The following BCAS3 variants were observed in gnomAD, a reference collection of about 807,000 sequenced individuals.
BCAS3 encodes BCAS3 microtubule associated cell migration factor.
Under a neutral mutation model 116.1 loss-of-function variants are expected in BCAS3, and 53 were observed. The ratio of observed to expected loss-of-function variants is 0.46; its 90% confidence interval spans 0.37 to 0.57. BCAS3 has a LOEUF of 0.57. BCAS3 is among the 20% of genes least tolerant of loss of function. The pLI is 0.00. For missense variants in BCAS3, 917 were observed against 1,165.4 expected (o/e 0.79, Z 3.10); for synonymous variants, 391 against 408.2 (o/e 0.96, Z 0.51).
chr17:61,370,271 C>CT (rs67112430), intron 23 of BCAS3, among the ~76,000 whole-genome samples: 90,039 of 146,718 alleles, frequency 0.61, 30,679 homozygotes, highest in Non-Finnish European at 0.79. Context: ...AGGAGACTCC[C>CT]TTTTTTTTTT....
At chr17:60,801,892 T>C (rs976712906) in intron 6 of BCAS3, among the ~76,000 whole-genome samples, 1 of 152,184 alleles carries the variant, frequency 6.6e-6, no homozygotes, top group Non-Finnish European at 1.5e-5. Flanking sequence ...CTGTCATCTA[T>C]GTATTGACTG....
intron 15 of BCAS3, among the ~76,000 whole-genome samples, chr17:61,009,649 G>A (rs2064973092): frequency 2.0e-5 from 3 of 151,918 alleles, no homozygotes; most frequent in Admixed American, 6.6e-5. Flanking sequence ...CTTCTTGTTT[G>A]TATCTCGGAA....
rs1169801108 is a variant in BCAS3 at position 61,203,349 on chromosome 17, G to A, written c.2425+118785G>A. Among the ~76,000 whole-genome samples, 1 of 152,014 alleles carries A rather than the reference G, an allele frequency of 6.6e-6. No individual in the cohort carries two copies. The highest frequency in any genetic ancestry group is 1.5e-5 in the Non-Finnish European group (1 of 68,002). On this transcript the variant is annotated intron_variant, in intron 22 of 23. Coordinates refer to ENST00000407086, the MANE Select transcript of BCAS3 (RefSeq NM_017679.5). This position sits in a 1 kb window ranked among gnomAD's most constrained non-coding sequence, Gnocchi z 5.7. ...ATTTTTGTATTATTAGTAGAAACAG[G>A]GTTTCGCCATGTTGGTCAGGCTGGT...
chr17:61,067,305 ATATATATATATT>A (rs1340540634), intron 19 of BCAS3, among the ~76,000 whole-genome samples: 2 of 133,978 alleles, frequency 1.5e-5, no homozygotes, highest in African/African-American at 5.7e-5. Context: ...ATATATATAT[ATATATATATATT>A]TATACAGACT....
In BCAS3 at chr17:61,205,278, A is replaced by G. The variant is rs1186801203; in HGVS notation, c.2425+120714A>G. Reference sequence around the variant, plus strand: ...CCAGAGAATAGTTTACTGATAAAATATGTTTTAGGAAGGAAAACTGGTTAC... The same window carrying G: ...CCAGAGAATAGTTTACTGATAAAATGTGTTTTAGGAAGGAAAACTGGTTAC... On this transcript the variant is annotated intron_variant, in intron 22 of 23. Coordinates refer to ENST00000407086, the MANE Select transcript of BCAS3 (RefSeq NM_017679.5). This position sits in a 1 kb window ranked among gnomAD's most constrained non-coding sequence, Gnocchi z 5.2. Among the ~76,000 whole-genome samples, 2 of 152,252 alleles carry G rather than the reference A, an allele frequency of 1.3e-5. No homozygotes were observed. Among genetic ancestry groups the G allele is most frequent in the Non-Finnish European group, 2.9e-5 (2 of 68,050 alleles).
At chr17:61,280,418 G>C (rs1453846932) in intron 22 of BCAS3, among the ~76,000 whole-genome samples, 1 of 152,148 alleles carries the variant, frequency 6.6e-6, no homozygotes, top group Non-Finnish European at 1.5e-5. Context: ...TCCAACTTGG[G>C]GAGGTCATCA....
rs7224649 is a variant in BCAS3 at position 60,788,834 on chromosome 17, G to A, written c.404-19170G>A. Among the ~76,000 whole-genome samples the A allele has an allele frequency of 1.2e-3, 180 of 152,086 alleles. 2 individuals are homozygous for A. Among genetic ancestry groups the A allele is most frequent in the African/African-American group, 3.9e-3 (162 of 41,500 alleles). On this transcript the variant is annotated intron_variant, in intron 6 of 23. Transcript: ENST00000407086. ...TGGTAAGAAAATAGAATTTTGTAGC[G>A]CACAACAACCTTGACAGAATCTAAA... is the stretch of plus-strand genomic sequence containing the variant.
chr17:61,221,549 AC>A (rs2082112262), intron 22 of BCAS3, among the ~76,000 whole-genome samples: 1 of 152,156 alleles, frequency 6.6e-6, no homozygotes, highest in African/African-American at 2.4e-5. Flanking sequence ...AAGCCAGTAC[AC>A]CTCTGGGACA....
At chr17:60,779,513 G>C (rs2045608301) in intron 6 of BCAS3, among the ~76,000 whole-genome samples, 1 of 148,322 alleles carries the variant, frequency 6.7e-6, no homozygotes. Flanking sequence ...GGGATTACAG[G>C]CATGTGCCAC....
At chr17:60,715,391 C>T (rs1371560028) in intron 5 of BCAS3, among the ~76,000 whole-genome samples, 1 of 151,412 alleles carries the variant, frequency 6.6e-6, no homozygotes, top group East Asian at 1.9e-4. Context: ...CCTGCCTAGA[C>T]CTCCCAACGT....
intron 7 of BCAS3, among the ~76,000 whole-genome samples, chr17:60,820,129 C>T (rs1388008364): frequency 4.0e-5 from 6 of 150,762 alleles, no homozygotes; most frequent in South Asian, 2.1e-4. Context: ...GGAGTGCAGT[C>T]GCACGATCTT....
Position 61,286,796 on chromosome 17 carries a change from T to G in BCAS3, c.2426-81531T>G, listed in dbSNP as rs1423350640. Among the ~76,000 whole-genome samples, 1 of 152,158 alleles carries G rather than the reference T, an allele frequency of 6.6e-6. No individual in the cohort carries two copies. The highest frequency in any genetic ancestry group is 1.5e-5 in the Non-Finnish European group (1 of 68,028). On this transcript the variant is annotated intron_variant, in intron 22 of 23. Transcript: ENST00000407086. The surrounding 1 kb of genome is among the most constrained non-coding windows in gnomAD (Gnocchi z 4.8). ...GTTAGCATATTGAGGCAAATTACACTACAGAGATCCTGGCCAGGGTGAGGA... is the reference window on the plus strand; with the variant it reads ...GTTAGCATATTGAGGCAAATTACACGACAGAGATCCTGGCCAGGGTGAGGA...
chr17:60,874,543 TA>T, intron 8 of BCAS3, 118 bp from the exon 9 acceptor site: 1 of 607,086 alleles, frequency 1.6e-6, no homozygotes, highest in East Asian at 2.9e-5. Context: ...TGTTTAATTT[TA>T]AAATTGTATT....
rs78166941 is a variant in BCAS3, at chr17:60,718,517, C to G, written c.321+9192C>G. On this transcript the variant is annotated intron_variant, in intron 5 of 23. Transcript: ENST00000407086. ...TGATGCTATCTTTGCTCACTGCAGC[C>G]TCTACCTCATGGGTTCAGTTGATTC... Among the ~76,000 whole-genome samples the G allele has an allele frequency of 8.5e-5, 13 of 152,272 alleles. No individual in the cohort carries two copies. In the East Asian group the frequency reaches 2.5e-3, roughly 29 times the overall value.
chr17:61,085,401 A>T (rs527566175), intron 22 of BCAS3, among the ~76,000 whole-genome samples: 1 of 152,352 alleles, frequency 6.6e-6, no homozygotes, highest in Non-Finnish European at 1.5e-5. Flanking sequence ...AAATCCCTAG[A>T]GACTGCTGAT....
chr17:61,368,995 G>A lies in BCAS3; in HGVS notation c.2593+501G>A, dbSNP rs2058892633. Among the ~76,000 whole-genome samples the A allele has an allele frequency of 6.6e-6, 1 of 152,084 alleles. No individual in the cohort carries two copies. The highest frequency in any genetic ancestry group is 6.5e-5 in the Admixed American group (1 of 15,276). On this transcript the variant is annotated intron_variant, in intron 23 of 23. Transcript: ENST00000407086. This position sits in a 1 kb window ranked among gnomAD's most constrained non-coding sequence, Gnocchi z 6.0. ...GCCTCTGAGCGAGTCCAGCAACTAG[G>A]GTCTGGGTGGCTTCCTGCATCCCAG...
Position 60,995,931 on chromosome 17 carries a change from C to A in BCAS3, c.1486+5696C>A, listed in dbSNP as rs570406628. On this transcript the variant is annotated intron_variant, in intron 15 of 23. Coordinates refer to ENST00000407086, the MANE Select transcript of BCAS3 (RefSeq NM_017679.5). The surrounding 1 kb of genome is among the most constrained non-coding windows in gnomAD (Gnocchi z 4.7). Reference sequence around the variant, plus strand: ...ATTAGTATGCTTCCCATAGGCCTTGCTGAGATGATGACATCTGAGCAAAGA... The same window carrying A: ...ATTAGTATGCTTCCCATAGGCCTTGATGAGATGATGACATCTGAGCAAAGA... Among the ~76,000 whole-genome samples, 12 of 152,128 alleles carry A rather than the reference C, an allele frequency of 7.9e-5. No homozygotes were observed. In the South Asian group the frequency reaches 2.5e-3, roughly 32 times the overall value.
chr17:60,987,639 T>G (rs1437861723), intron 14 of BCAS3, among the ~76,000 whole-genome samples: 1 of 152,078 alleles, frequency 6.6e-6, no homozygotes, highest in African/African-American at 2.4e-5. Context: ...ATTGTTCACA[T>G]TTGGCATGTA....
chr17:61,342,243 G>A (rs887494658), intron 22 of BCAS3, among the ~76,000 whole-genome samples: 9 of 152,276 alleles, frequency 5.9e-5, no homozygotes, highest in Non-Finnish European at 1.2e-4. Flanking sequence ...CATACACAAC[G>A]GTGCACAATT....
Sources: gnomAD v4.1 joint callset for allele counts (sites outside exome capture counted in the v4.1 genomes callset) on GRCh38, gnomAD v4.1.1 for gene constraint, Gnocchi (gnomAD v3.1) non-coding constraint, MANE v1.5 for transcripts, NCBI Gene and HGNC (gene_info 2026-07-23, HGNC 2026-07-21) for gene names.